TOM1L1: variants seen among roughly 807,000 people sequenced by gnomAD.
The protein encoded by TOM1L1 is TOM1-like protein 1.
Under a neutral mutation model 63.4 loss-of-function variants are expected in TOM1L1, and 64 were observed. The ratio of observed to expected loss-of-function variants is 1.01; its 90% confidence interval spans 0.83 to 1.24. The LOEUF (loss-of-function observed/expected upper bound fraction) is 1.24, where lower values mean the gene tolerates loss of function less well. TOM1L1 is among the 50% of genes most tolerant of loss of function. The pLI, the probability that TOM1L1 is intolerant of heterozygous loss-of-function variation, is 0.00. For synonymous variants in TOM1L1, 166 were observed against 194.4 expected (o/e 0.85, Z 1.22); for missense variants, 536 against 567.0 (o/e 0.95, Z 0.55).
chr17:54,921,472 G>T (rs925206871), intron 7 of TOM1L1, among the ~76,000 whole-genome samples: 25 of 152,110 alleles, frequency 1.6e-4, no homozygotes, highest in Non-Finnish European at 2.9e-5. Flanking sequence ...CGGCGTGGTG[G>T]CTCACATCTG....
At chr17:54,930,470 C>T (rs1409998696) in intron 8 of TOM1L1, 3 of 324,962 alleles carry the variant, frequency 9.2e-6, no homozygotes, top group African/African-American at 2.1e-5. Flanking sequence ...TTTTGGAGGC[C>T]GAGGCAGGAG....
chr17:54,949,042 C>G (rs1362895262), intron 12 of TOM1L1, among the ~76,000 whole-genome samples: 2 of 151,804 alleles, frequency 1.3e-5, no homozygotes, highest in African/African-American at 4.8e-5. Context: ...ATAGTAAATT[C>G]TTGTTTTTGA....
At chr17:54,903,389 A>G (rs759197685) in intron 1 of TOM1L1, among the ~76,000 whole-genome samples, 1 of 152,264 alleles carries the variant, frequency 6.6e-6, no homozygotes, top group Non-Finnish European at 1.5e-5. Flanking sequence ...CCTTCTAGGT[A>G]GCTGCTCACT....
rs374680756 is a variant in TOM1L1 at position 54,918,867 on chromosome 17, C to G, written c.720+3005C>G. On this transcript the variant is annotated intron_variant, in intron 7 of 15. Transcript: ENST00000575882. The stretch of plus-strand genomic sequence containing the variant: ...CCCAACATTTATAAACTTATTTATC[C>G]AAAGAATCCCAATTTGCCAAATATC... Among the ~76,000 whole-genome samples the G allele has an allele frequency of 2.6e-5, 4 of 152,220 alleles. No individual in the cohort carries two copies. In the East Asian group the frequency reaches 7.7e-4, roughly 29 times the overall value.
At chr17:54,909,250 C>A (rs139955485) in intron 3 of TOM1L1, among the ~76,000 whole-genome samples, 154 of 152,284 alleles carry the variant, frequency 1.0e-3, no homozygotes, top group African/African-American at 3.2e-3. Flanking sequence ...CAAAGCGAGA[C>A]TCTGTATCCA....
intron 3 of TOM1L1, chr17:54,906,931 C>A: frequency 2.3e-6 from 1 of 442,670 alleles, no homozygotes; most frequent in Non-Finnish European, 3.0e-6. Context: ...ACTAATCAGC[C>A]AACATCACGC....
chr17:54,952,025 G>A, intron 14 of TOM1L1: 1 of 152,204 alleles, frequency 6.6e-6, no homozygotes, highest in East Asian at 1.9e-4. Flanking sequence ...TGTTAGAGGA[G>A]TGAAAATCTC....
At chr17:54,931,806 AAAG>A (rs1473556700) in intron 8 of TOM1L1, among the ~76,000 whole-genome samples, 2 of 152,124 alleles carry the variant, frequency 1.3e-5, no homozygotes, top group Non-Finnish European at 2.9e-5. Context: ...CTGTCTCAAA[AAAG>A]AGAAACATAA....
At chr17:54,939,124 A>G in intron 11 of TOM1L1, 104 bp downstream of exon 11, 1 of 763,430 alleles carries the variant, frequency 1.3e-6, no homozygotes, top group Admixed American at 2.8e-5. Flanking sequence ...CTGTAATCCT[A>G]GCACTTTGGG....
intron 7 of TOM1L1, among the ~76,000 whole-genome samples, chr17:54,918,405 G>A (rs991411510): frequency 1.1e-4 from 17 of 152,192 alleles, no homozygotes; most frequent in African/African-American, 4.1e-4. Context: ...CCACCCCACT[G>A]TTAATGGATA....
At chr17:54,922,025 G>T (rs774605027) in intron 7 of TOM1L1, among the ~76,000 whole-genome samples, 5 of 152,304 alleles carry the variant, frequency 3.3e-5, no homozygotes, top group East Asian at 1.9e-4. Flanking sequence ...GGGCACAGTG[G>T]CTTATGCCTG....
chr17:54,958,478 C>CG (rs2077009996), intron 14 of TOM1L1: 1 of 152,254 alleles, frequency 6.6e-6, no homozygotes, highest in East Asian at 1.9e-4. Context: ...CGCCTATAAT[C>CG]CCAGCACTTT....
chr17:54,938,855 C>G lies in TOM1L1; in HGVS notation c.1034-69C>G, dbSNP rs569240164. 13 of 669,458 alleles carry G rather than the reference C, an allele frequency of 1.9e-5. 1 individual carries two copies. The South Asian group carries it at 3.9e-4, about 20-fold the overall frequency. 41.5% of individuals were successfully genotyped at this position (669,458 alleles called of 1,614,324 possible). ...TCTTTTTTCTTTTTTTTTGTTTTTA[C>G]TGTAGAAAATCCAGCATAACTGACT... On this transcript the variant is annotated intron_variant, in intron 10 of 15. Coordinates refer to ENST00000575882, the MANE Select transcript of TOM1L1 (RefSeq NM_005486.3).
intron 3 of TOM1L1, among the ~76,000 whole-genome samples, chr17:54,910,301 C>A (rs765286320): frequency 2.0e-5 from 3 of 152,034 alleles, no homozygotes; most frequent in Admixed American, 1.3e-4. Context: ...ACTAAAAATA[C>A]AAAAATTAGC....
At chr17:54,914,544 C>T in intron 5 of TOM1L1, 95 bp from the exon 6 acceptor site, 1 of 933,408 alleles carries the variant, frequency 1.1e-6, no homozygotes, top group South Asian at 1.4e-5. Flanking sequence ...GTACACAGGA[C>T]TTTGAGAGTG....
At chr17:54,911,530 C>T (rs1308325066) in intron 3 of TOM1L1, among the ~76,000 whole-genome samples, 2 of 152,216 alleles carry the variant, frequency 1.3e-5, no homozygotes, top group African/African-American at 2.4e-5. Flanking sequence ...ATACCACCCC[C>T]TCTTCCAAAT....
rs1168321617 is a variant in TOM1L1, at chr17:54,961,322, A to G, written c.*89A>G. ...TGTGCAGCTTTGAAGCCTGGAAGAC[A>G]ATACCTACCAACATGTCAAAGCCAT... On this transcript the variant is annotated 3_prime_UTR_variant, in exon 16 of 16. Coordinates refer to ENST00000575882, the MANE Select transcript of TOM1L1 (RefSeq NM_005486.3). The G allele has an allele frequency of 5.8e-6, 9 of 1,551,446 alleles. No individual in the cohort carries two copies. In the African/African-American group the frequency reaches 9.6e-5, roughly 17 times the overall value.
chr17:54,909,246 G>A (rs573442838), intron 3 of TOM1L1, among the ~76,000 whole-genome samples: 4 of 152,274 alleles, frequency 2.6e-5, no homozygotes, highest in East Asian at 1.9e-4. Context: ...GTGACAAAGC[G>A]AGACTCTGTA....
chr17:54,933,494 C>T (rs1051943503), intron 8 of TOM1L1, among the ~76,000 whole-genome samples: 2 of 152,148 alleles, frequency 1.3e-5, no homozygotes, highest in African/African-American at 4.8e-5. Context: ...ACAACATGCG[C>T]CCAAGGTGGT....
Sources: allele counts gnomAD v4.1 joint callset (sites outside exome capture counted in the v4.1 genomes callset), GRCh38; gene constraint gnomAD v4.1.1; transcripts MANE v1.5; gene names NCBI Gene and HGNC (gene_info 2026-07-23, HGNC 2026-07-21).